ZNF33A: variants seen among roughly 807,000 people sequenced by gnomAD.
The protein encoded by ZNF33A is brain my041 protein.
Under a neutral mutation model 15.9 loss-of-function variants are expected in ZNF33A, and 9 were observed. The ratio of observed to expected loss-of-function variants is 0.57; its 90% CI spans 0.34 to 0.99. ZNF33A has a LOEUF of 0.99. Among genes scored for constraint, ZNF33A ranks in the 50% least tolerant of loss-of-function variants. The pLI, the probability that ZNF33A is intolerant of heterozygous loss-of-function variation, is 0.02. For missense variants in ZNF33A, 843 were observed against 941.6 expected, an observed-to-expected ratio of 0.90 and a Z score of 1.37; for synonymous variants, 294 against 324.2, an observed-to-expected ratio of 0.91 and a Z score of 1.00.
At position 38,058,082 on chromosome 10, in the gene ZNF33A, A is replaced by G; in HGVS notation, c.*1522A>G. 2.1e-6 allele frequency: 2 copies of G among 968,074 alleles called. No individual in the cohort carries two copies. The highest frequency in any genetic ancestry group is 2.5e-6 in the Non-Finnish European group (2 of 814,134). The allele number at this position is 968,074 out of a possible 1,614,324, so 60.0% of individuals were successfully genotyped here. ...GATCCTAGATTACACAAGTAATCTA[A>G]GCTTCCACTTTAGGAAACTAGAAAA... On this transcript the variant is annotated 3_prime_UTR_variant, in exon 5 of 5. Transcript: ENST00000432900.
At chr10:38,014,215 A>G (rs2064340695) in intron 2 of ZNF33A, among the ~76,000 whole-genome samples, 1 of 151,356 alleles carries the variant, frequency 6.6e-6, no homozygotes, top group African/African-American at 2.4e-5. Context: ...CTAATTTTGT[A>G]TTTTAGTAGA....
intron 1 of ZNF33A, among the ~76,000 whole-genome samples, chr10:38,011,218 CCATCACTG>C (rs1228428729): frequency 6.6e-6 from 1 of 152,208 alleles, no homozygotes; most frequent in African/African-American, 2.4e-5. Flanking sequence ...CCAGTCAGGT[CCATCACTG>C]CATCTTGGTA....
At chr10:38,016,072 T>A in intron 2 of ZNF33A, 1 of 1,173,804 alleles carries the variant, frequency 8.5e-7, no homozygotes, top group Non-Finnish European at 1.1e-6. Flanking sequence ...TTCCAAAATC[T>A]TTCCATTTTC....
Position 38,057,972 on chromosome 10 carries a change from G to A in ZNF33A, c.*1412G>A. On this transcript the variant is annotated 3_prime_UTR_variant, in exon 5 of 5. Coordinates refer to ENST00000432900, the MANE Select transcript of ZNF33A (RefSeq NM_006954.2). ...GGAGCAGAACCAGAATCAAGCTGGT[G>A]TGGGGCTTTTATTGATAGTGTGAAG... 1.0e-6 allele frequency: 1 copy of A among 985,430 alleles called. No homozygotes were observed. The highest frequency in any genetic ancestry group is 1.2e-6 in the Non-Finnish European group (1 of 829,944). The allele number at this position is 985,430 out of a possible 1,614,324, so 61.0% of individuals were successfully genotyped here.
At chr10:38,066,392 C>T (rs756948483), downstream of ZNF33A, among the ~76,000 whole-genome samples, 14 of 151,894 alleles carry the variant, frequency 9.2e-5, no homozygotes, top group Non-Finnish European at 1.8e-4. Context: ...AATTCTCTGC[C>T]ACAGGTGCCT....
intron 4 of ZNF33A, among the ~76,000 whole-genome samples, chr10:38,025,522 C>A (rs571459997): frequency 6.6e-6 from 1 of 152,192 alleles, no homozygotes; most frequent in African/African-American, 2.4e-5. Flanking sequence ...AGAGGAAAGG[C>A]GATGTGAATA....
chr10:38,024,169 A>C (rs1366296936), intron 4 of ZNF33A, among the ~76,000 whole-genome samples: 4 of 140,780 alleles, frequency 2.8e-5, no homozygotes, highest in Non-Finnish European at 6.3e-5. Context: ...AAAACAAAAA[A>C]AAAAAAAAAA....
At chr10:38,032,545 C>T (rs1301183444) in intron 4 of ZNF33A, among the ~76,000 whole-genome samples, 1 of 151,928 alleles carries the variant, frequency 6.6e-6, no homozygotes, top group African/African-American at 2.4e-5. Context: ...CGGGTTCAAG[C>T]CAGTTCTCCT....
chr10:38,065,974 G>C (rs949552400), downstream of ZNF33A, among the ~76,000 whole-genome samples: 9 of 152,070 alleles, frequency 5.9e-5, no homozygotes, highest in Non-Finnish European at 4.4e-5. Context: ...TTACCGACGT[G>C]AGCCACTGCC....
At position 38,012,334 on chromosome 10, in the gene ZNF33A, A is replaced by G; in HGVS notation, c.-8A>G. 1.2e-6 allele frequency: 2 copies of G among 1,613,836 alleles called. No individual in the cohort carries two copies. The highest frequency in any genetic ancestry group is 1.7e-6 in the Non-Finnish European group (2 of 1,179,964). ...GAGTTGTCTCCGTCTTTCCAAGAACAGAACAAAATGAACAAGGTAAGTTGT... is the reference window on the plus strand; with the variant it reads ...GAGTTGTCTCCGTCTTTCCAAGAACGGAACAAAATGAACAAGGTAAGTTGT... On this transcript the variant is annotated 5_prime_UTR_variant, in exon 2 of 5. Coordinates refer to ENST00000432900, the MANE Select transcript of ZNF33A (RefSeq NM_006954.2).
intron 4 of ZNF33A, among the ~76,000 whole-genome samples, chr10:38,045,574 A>G (rs567235954): frequency 2.6e-4 from 40 of 152,206 alleles, no homozygotes; most frequent in Non-Finnish European, 5.3e-4. Context: ...AAATTTAAAA[A>G]TCATTACTGT....
chr10:38,011,132 G>A (rs1008250827), intron 1 of ZNF33A, among the ~76,000 whole-genome samples: 6 of 152,246 alleles, frequency 3.9e-5, no homozygotes, highest in African/African-American at 1.2e-4. Flanking sequence ...GGGGAAAGGC[G>A]GGTGCAGTCG....
chr10:38,022,593 G>A (rs1282865450), intron 4 of ZNF33A, among the ~76,000 whole-genome samples: 1 of 143,920 alleles, frequency 6.9e-6, no homozygotes, highest in Non-Finnish European at 1.5e-5. Flanking sequence ...GGGAGTGGGA[G>A]GTTTCAGTGA....
rs539652737 is a variant in ZNF33A at position 38,010,845 on chromosome 10, G to T, written c.-45+62G>T. ...GCCCCGCGCGACTCCTGGGGCGGGC[G>T]GCAGGGGGCCGGTACCAAGTGGTGG... On this transcript the variant is annotated intron_variant, in intron 1 of 4. Coordinates refer to ENST00000432900, the MANE Select transcript of ZNF33A (RefSeq NM_006954.2). 7.2e-5 allele frequency: 115 copies of T among 1,587,504 alleles called. 1 individual carries two copies. The South Asian group carries it at 1.1e-3, about 16-fold the overall frequency.
At chr10:38,047,224 T>C (rs1305822222) in intron 4 of ZNF33A, among the ~76,000 whole-genome samples, 1 of 112,044 alleles carries the variant, frequency 8.9e-6, no homozygotes, top group East Asian at 2.7e-4. Flanking sequence ...GAATAACACA[T>C]AGGGCAACAA....
chr10:38,064,514 C>T (rs922722201), downstream of ZNF33A: 3 of 187,642 alleles, frequency 1.6e-5, no homozygotes, highest in Non-Finnish European at 3.3e-5. Context: ...CCGATTTAGT[C>T]TACATAATTT....
At chr10:38,025,962 C>T (rs1182425083) in intron 4 of ZNF33A, among the ~76,000 whole-genome samples, 1 of 152,100 alleles carries the variant, frequency 6.6e-6, no homozygotes, top group African/African-American at 2.4e-5. Flanking sequence ...ATGGTAACCC[C>T]TTATCTAGTT....
At position 38,054,443 on chromosome 10, in the gene ZNF33A, G is replaced by T. The variant is rs750307886; in HGVS notation, c.319G>T (p.Val107Leu). 2 of 1,608,728 alleles carry T rather than the reference G, an allele frequency of 1.2e-6. No homozygotes were observed. The highest frequency in any genetic ancestry group is 2.2e-5 in the South Asian group (2 of 89,404). Residue 107 changes from valine (V) to leucine (L), a missense_variant, in exon 5 of 5, where the codon GTA becomes TTA. Val to Leu is a conservative substitution (Grantham distance 32). Coordinates refer to ENST00000432900, the MANE Select transcript of ZNF33A (RefSeq NM_006954.2). ...ENQSKHLWEV[V>L]FINNEMLTKE... ...CCAATCTAAACATTTGTGGGAAGTTGTATTCATCAATAATGAAATGCTGAC... is the reference window on the plus strand; with the variant it reads ...CCAATCTAAACATTTGTGGGAAGTTTTATTCATCAATAATGAAATGCTGAC...
At chr10:38,031,636 T>G (rs1193488412) in intron 4 of ZNF33A, among the ~76,000 whole-genome samples, 1 of 151,484 alleles carries the variant, frequency 6.6e-6, no homozygotes, top group Admixed American at 6.6e-5. Context: ...GTAAATTACC[T>G]GCCAACTATA....
Sources: allele counts gnomAD v4.1 joint callset (sites outside exome capture counted in the v4.1 genomes callset), GRCh38; gene constraint gnomAD v4.1.1; transcripts MANE v1.5; gene names NCBI Gene and HGNC (gene_info 2026-07-23, HGNC 2026-07-21).